FOCAD: variants seen among roughly 807,000 people sequenced by gnomAD.
FOCAD encodes focadhesin, also known as KIAA1797.
A neutral mutation model predicts 225.6 loss-of-function variants in FOCAD; 198 were observed. The observed-to-expected ratio is 0.88, with a 90% confidence interval of 0.78 to 0.99. The LOEUF is 0.99. FOCAD is among the 50% of genes least tolerant of loss of function. The pLI is 0.00. For missense variants in FOCAD, 2,713 were observed against 2,123.6 expected, an observed-to-expected ratio of 1.28 and a Z score of -5.46; for synonymous variants, 897 against 755.0, an observed-to-expected ratio of 1.19 and a Z score of -3.08.
chr9:20,891,758 CT>C (rs1452194652), intron 21 of FOCAD, among the ~76,000 whole-genome samples: 2 of 152,174 alleles, frequency 1.3e-5, no homozygotes, highest in African/African-American at 4.8e-5. Context: ...GATGTAAAAG[CT>C]GCAGCAAGTT....
In FOCAD at chr9:20,667,361, A is replaced by C. The variant is rs143246877; in HGVS notation, c.-78+8535A>C. ...AAATGGACTTATAAATCTTGTTGGC[A>C]GTCTTAAAGCTAAAGCAAAGTCTAC... On this transcript the variant is annotated intron_variant, in intron 2 of 45. Transcript: ENST00000380249. Among the ~76,000 whole-genome samples the C allele has an allele frequency of 4.1e-3, 618 of 152,340 alleles. 4 individuals are homozygous for C. The highest frequency in any genetic ancestry group is 0.014 in the African/African-American group (567 of 41,590).
At chr9:20,944,547 C>G in intron 28 of FOCAD, 80 bp from the exon 29 acceptor site, 1 of 1,504,554 alleles carries the variant, frequency 6.6e-7, no homozygotes, top group African/African-American at 1.4e-5. Context: ...TTTGAGAGCT[C>G]TGTAAACACC....
intron 15 of FOCAD, among the ~76,000 whole-genome samples, chr9:20,855,168 TA>T (rs1260491112): frequency 1.3e-5 from 2 of 151,730 alleles, no homozygotes; most frequent in African/African-American, 4.8e-5. Context: ...TTCATCATTA[TA>T]ATTTTACATT....
intron 35 of FOCAD, among the ~76,000 whole-genome samples, chr9:20,954,169 TG>T (rs1285623675): frequency 1.3e-5 from 2 of 152,228 alleles, no homozygotes; most frequent in South Asian, 2.1e-4. Context: ...ATGTCATTGT[TG>T]TACATGACAT....
intron 15 of FOCAD, among the ~76,000 whole-genome samples, chr9:20,845,890 A>G (rs2131592998): frequency 6.6e-6 from 1 of 152,286 alleles, no homozygotes; most frequent in South Asian, 2.1e-4. Flanking sequence ...AATAAGCATT[A>G]TTGATGATTT....
At position 20,990,471 on chromosome 9, in the gene FOCAD, A is replaced by C. The variant is rs527669339; in HGVS notation, c.5256+97A>C. The stretch of plus-strand genomic sequence containing the variant: ...GAGGTGGGAGTTAAGTGCGTCTTGA[A>C]TCACACCACAGACTTTCCTACCCAG... On this transcript the variant is annotated intron_variant, in intron 42 of 43. Transcript: ENST00000338382. The C allele has an allele frequency of 7.0e-4, 987 of 1,404,028 alleles. 5 individuals are homozygous for C. The African/African-American group carries it at 7.8e-3, about 11-fold the overall frequency. The allele number at this position is 1,404,028 out of a possible 1,614,324, so 87.0% of individuals were successfully genotyped here.
At chr9:20,890,057 C>A (rs1272878963) in intron 21 of FOCAD, among the ~76,000 whole-genome samples, 1 of 151,884 alleles carries the variant, frequency 6.6e-6, no homozygotes, top group Non-Finnish European at 1.5e-5. Flanking sequence ...CTTACTAAAC[C>A]AACTTATATA....
At chr9:20,696,357 TAAC>T (rs1823369114) in intron 1 of FOCAD, among the ~76,000 whole-genome samples, 1 of 152,302 alleles carries the variant, frequency 6.6e-6, no homozygotes, top group Non-Finnish European at 1.5e-5. Context: ...CACACAATGG[TAAC>T]AAGATGAGGT....
At chr9:20,786,512 T>C (rs900085009) in intron 10 of FOCAD, among the ~76,000 whole-genome samples, 1 of 152,194 alleles carries the variant, frequency 6.6e-6, no homozygotes, top group Non-Finnish European at 1.5e-5. Flanking sequence ...GACTGATGAG[T>C]GATTAATATC....
intron 35 of FOCAD, among the ~76,000 whole-genome samples, chr9:20,954,440 A>C (rs1837956497): frequency 6.6e-6 from 1 of 152,150 alleles, no homozygotes; most frequent in African/African-American, 2.4e-5. Context: ...TGAGAAATAA[A>C]AGTAAAAACT....
At chr9:20,678,811 G>T (rs1822313108) in intron 2 of FOCAD, among the ~76,000 whole-genome samples, 1 of 152,160 alleles carries the variant, frequency 6.6e-6, no homozygotes, top group Non-Finnish European at 1.5e-5. Flanking sequence ...TGATTTGGGG[G>T]CCCCAATGTT....
rs113744662 is a variant in FOCAD at position 20,933,728 on chromosome 9, C to G, written c.3407+625C>G. On this transcript the variant is annotated intron_variant, in intron 28 of 43. Transcript: ENST00000338382. ...TGACTTCTTTTCCTGTGAGTACATA[C>G]CCAGTAGTGGGATTGCTGGATCAAA... is the stretch of plus-strand genomic sequence containing the variant. Among the ~76,000 whole-genome samples, 6 of 152,236 alleles carry G rather than the reference C, an allele frequency of 3.9e-5. 1 individual carries two copies. The highest frequency in any genetic ancestry group is 1.4e-4 in the African/African-American group (6 of 41,542).
At chr9:20,905,087 A>C (rs535560074) in intron 21 of FOCAD, among the ~76,000 whole-genome samples, 3 of 152,096 alleles carry the variant, frequency 2.0e-5, no homozygotes, top group African/African-American at 7.2e-5. Context: ...AGAAAAAGCA[A>C]GAAAGTGCAT....
chr9:20,735,082 C>T (rs910469897), intron 4 of FOCAD, among the ~76,000 whole-genome samples: 2 of 152,202 alleles, frequency 1.3e-5, no homozygotes, highest in Non-Finnish European at 2.9e-5. Flanking sequence ...CCCACCTACT[C>T]TTTAACACTG....
At chr9:20,984,864 G>A (rs1841011233) in intron 39 of FOCAD, among the ~76,000 whole-genome samples, 1 of 152,198 alleles carries the variant, frequency 6.6e-6, no homozygotes, top group Admixed American at 6.5e-5. Context: ...GCAGTGGCAT[G>A]ATCTCAACTC....
At chr9:20,946,589 T>C in intron 29 of FOCAD, 112 bp from the exon 30 acceptor site, 1 of 1,188,768 alleles carries the variant, frequency 8.4e-7, no homozygotes, top group Non-Finnish European at 1.2e-6. Context: ...TAAATGTATG[T>C]GAATCCAATT....
intron 24 of FOCAD, among the ~76,000 whole-genome samples, chr9:20,920,922 C>G (rs1195760811): frequency 1.3e-5 from 2 of 150,688 alleles, no homozygotes; most frequent in Admixed American, 6.6e-5. Flanking sequence ...ATGTAACTAA[C>G]CTGCACATTG....
At chr9:20,991,163 G>T (rs1185435488) in intron 42 of FOCAD, among the ~76,000 whole-genome samples, 2 of 152,118 alleles carry the variant, frequency 1.3e-5, no homozygotes, top group Admixed American at 6.5e-5. Context: ...ACATTTTTTG[G>T]TTTTTAATGT....
chr9:20,947,436 G>A (rs745376864), intron 30 of FOCAD, among the ~76,000 whole-genome samples: 6 of 152,224 alleles, frequency 3.9e-5, no homozygotes, highest in East Asian at 1.9e-4. Flanking sequence ...CATGAGCTGC[G>A]TAGAGTAGTC....
Sources: allele counts gnomAD v4.1 joint callset (sites outside exome capture counted in the v4.1 genomes callset), GRCh38; gene constraint gnomAD v4.1.1; transcripts MANE v1.5; gene names NCBI Gene and HGNC (gene_info 2026-07-23, HGNC 2026-07-21).